The following PHACTR2 variants were observed in gnomAD, a reference collection of about 807,000 sequenced individuals.
PHACTR2 encodes the protein phosphatase and actin regulator 2.
In PHACTR2, 30 loss-of-function variants were observed where a neutral mutation model predicts 76.0. The observed-to-expected ratio is 0.39, with a 90% CI of 0.30 to 0.54. PHACTR2 has a LOEUF of 0.54. Among genes scored for constraint, PHACTR2 ranks in the 20% least tolerant of loss-of-function variants. PHACTR2 has a pLI of 0.61. For missense variants in PHACTR2, 696 were observed against 781.1 expected, an observed-to-expected ratio of 0.89 and a Z score of 1.30; for synonymous variants, 292 against 292.5, an observed-to-expected ratio of 1.00 and a Z score of 0.02.
In PHACTR2 at chr6:143,732,220, A is replaced by G. The variant is rs9496761; in HGVS notation, c.215-16765A>G. 8.1e-3 allele frequency among the ~76,000 whole-genome samples: 1,235 copies of G among 152,332 alleles called. 7 individuals are homozygous for G. Among genetic ancestry groups the G allele is most frequent in the African/African-American group, 0.027 (1,115 of 41,574 alleles). ...TTTAGTAATATTCATGAGCTGTGAA[A>G]CCATCACCACAATCAATTTTAAACA... On this transcript the variant is annotated intron_variant, in intron 2 of 12. Transcript: ENST00000440869.
At position 143,561,858 on chromosome 6, in the gene PHACTR2, G is replaced by A. The variant is rs538882849; in HGVS notation, c.217+24651G>A. On this transcript the variant is annotated intron_variant, in intron 1 of 11. Coordinates refer to the PHACTR2 transcript ENST00000367584. This position sits in a 1 kb window ranked among gnomAD's most constrained non-coding sequence, Gnocchi z 4.1. ...TCACCGCCAGCTCATGAAGTCTGAG[G>A]AAATTCAGGTTGCCTTTGATATTAA... 5.3e-5 allele frequency: 8 copies of A among 152,288 alleles called. No homozygotes were observed. In the East Asian group the frequency reaches 1.5e-3, roughly 29 times the overall value. 9.4% of individuals were successfully genotyped at this position (152,288 alleles called of 1,614,324 possible). A position where few individuals can be genotyped will look rare whatever the true frequency, so the allele number is the denominator to read the frequency against.
intron 1 of PHACTR2, among the ~76,000 whole-genome samples, chr6:143,657,189 A>T (rs1776862939): frequency 6.6e-6 from 1 of 152,110 alleles, no homozygotes; most frequent in African/African-American, 2.4e-5. Context: ...ACCATGGCAC[A>T]TGTAAACCTA....
Position 143,754,898 on chromosome 6 carries a change from C to T in PHACTR2, c.454+986C>T, listed in dbSNP as rs1322066622. Among the ~76,000 whole-genome samples the T allele has an allele frequency of 6.6e-6, 1 of 152,190 alleles. No individual in the cohort carries two copies. Among genetic ancestry groups the T allele is most frequent in the African/African-American group, 2.4e-5 (1 of 41,440 alleles). The stretch of plus-strand genomic sequence containing the variant: ...TTAGAAACTGATGAAAGTGAATTCT[C>T]TTCCTCTGTTCTTGACCCAGATCCT... On this transcript the variant is annotated intron_variant, in intron 4 of 12. Coordinates refer to ENST00000440869, the MANE Select transcript of PHACTR2 (RefSeq NM_001100164.2). This position sits in a 1 kb window ranked among gnomAD's most constrained non-coding sequence, Gnocchi z 6.2.
rs1776693267 is a variant in PHACTR2, at chr6:143,648,248, C to T, written c.13+39926C>T. Reference sequence around the variant, plus strand: ...TCTACTGCAAATTGTCTGAGAAGGGCAGGGCCTAGGAAACATGGTGGAAGT... The same window carrying T: ...TCTACTGCAAATTGTCTGAGAAGGGTAGGGCCTAGGAAACATGGTGGAAGT... On this transcript the variant is annotated intron_variant, in intron 1 of 11. Transcript: ENST00000305766. The surrounding 1 kb of genome is among the most constrained non-coding windows in gnomAD (Gnocchi z 6.7). Among the ~76,000 whole-genome samples, 1 of 152,156 alleles carries T rather than the reference C, an allele frequency of 6.6e-6. No individual in the cohort carries two copies. The highest frequency in any genetic ancestry group is 2.1e-4 in the South Asian group (1 of 4,812).
intron 12 of PHACTR2, chr6:143,810,604 G>A (rs1306160467): frequency 1.6e-5 from 7 of 449,226 alleles, no homozygotes; most frequent in Non-Finnish European, 2.2e-5. Context: ...GCTGAGGCAG[G>A]AGGATTGCTT....
rs1006696755 is a variant in PHACTR2, at chr6:143,774,814, C to G, written c.1589+599C>G. 2.6e-5 allele frequency among the ~76,000 whole-genome samples: 4 copies of G among 152,250 alleles called. No individual in the cohort carries two copies. Among genetic ancestry groups the G allele is most frequent in the Non-Finnish European group, 5.9e-5 (4 of 68,042 alleles). On this transcript the variant is annotated intron_variant, in intron 8 of 12. Transcript: ENST00000440869. This position sits in a 1 kb window ranked among gnomAD's most constrained non-coding sequence, Gnocchi z 5.4. ...TTCCAACTTCAAGTAAATGGATCAT[C>G]TGACATCTCTTCCTGCCTCCAACCA...
intron 1 of PHACTR2, among the ~76,000 whole-genome samples, chr6:143,632,843 G>A (rs543823926): frequency 2.0e-5 from 3 of 152,230 alleles, no homozygotes; most frequent in Admixed American, 1.3e-4. Context: ...ACATCATATA[G>A]TTGGAATCAT....
At chr6:143,703,632 C>A (rs1241628457) in intron 1 of PHACTR2, among the ~76,000 whole-genome samples, 1 of 152,004 alleles carries the variant, frequency 6.6e-6, no homozygotes, top group African/African-American at 2.4e-5. Flanking sequence ...ACATTCTGTT[C>A]TTTTACTCTT....
chr6:143,703,915 A>G (rs191368128), intron 1 of PHACTR2, among the ~76,000 whole-genome samples: 41 of 152,282 alleles, frequency 2.7e-4, no homozygotes, highest in African/African-American at 9.1e-4. Flanking sequence ...ACCATTTCAC[A>G]TGTTCAAGGA....
chr6:143,653,028 C>G lies in PHACTR2; in HGVS notation c.13+44706C>G, dbSNP rs769931688. 2.6e-5 allele frequency among the ~76,000 whole-genome samples: 4 copies of G among 152,308 alleles called. No homozygotes were observed. Among genetic ancestry groups the G allele is most frequent in the Admixed American group, 6.5e-5 (1 of 15,302 alleles). On this transcript the variant is annotated intron_variant, in intron 1 of 11. Transcript: ENST00000305766. The surrounding 1 kb of genome is among the most constrained non-coding windows in gnomAD (Gnocchi z 4.9). ...CCAGCAGCGCTCTCTTTCACCCTTGCAAGCTGCAACTGGCAAGAGAATTGT... is the reference window on the plus strand; with the variant it reads ...CCAGCAGCGCTCTCTTTCACCCTTGGAAGCTGCAACTGGCAAGAGAATTGT...
Position 143,635,535 on chromosome 6 carries a change from T to C in PHACTR2, c.13+27213T>C, listed in dbSNP as rs1776437250. Among the ~76,000 whole-genome samples, 2 of 152,226 alleles carry C rather than the reference T, an allele frequency of 1.3e-5. 1 individual carries two copies. Among genetic ancestry groups the C allele is most frequent in the South Asian group, 4.1e-4 (2 of 4,834 alleles). On this transcript the variant is annotated intron_variant, in intron 1 of 11. Coordinates refer to the PHACTR2 transcript ENST00000305766. ...TAACTATTTATACTCCCACAGTCAG[T>C]GTATGAGAGTGCCTCTGTTTCCCAC...
In PHACTR2 at chr6:143,621,475, C is replaced by T. The variant is rs566355709; in HGVS notation, c.13+13153C>T. On this transcript the variant is annotated intron_variant, in intron 1 of 11. Coordinates refer to the PHACTR2 transcript ENST00000305766. The surrounding 1 kb of genome is among the most constrained non-coding windows in gnomAD (Gnocchi z 4.1). Reference sequence around the variant, plus strand: ...AGGAAGCTCACCTGTCAAGCACCAACGCTTTATTTTAATTGGTATTTTGCA... The same window carrying T: ...AGGAAGCTCACCTGTCAAGCACCAATGCTTTATTTTAATTGGTATTTTGCA... 5.9e-5 allele frequency among the ~76,000 whole-genome samples: 9 copies of T among 152,304 alleles called. 1 individual carries two copies. Among genetic ancestry groups the T allele is most frequent in the African/African-American group, 2.4e-5 (1 of 41,554 alleles).
rs1265246202 is a variant in PHACTR2, at chr6:143,550,025, G to GGGAGTTGGAGTGATA, written c.217+12819_217+12833dup. ...CCAAGGCTACCATTTTTTGCTAGGT[G>GGGAGTTGGAGTGATA]GGAGTTGGAGTGATATCCCAATGCA... On this transcript the variant is annotated intron_variant, in intron 1 of 11. Coordinates refer to the PHACTR2 transcript ENST00000367584. The surrounding 1 kb of genome is among the most constrained non-coding windows in gnomAD (Gnocchi z 4.8). Among the ~76,000 whole-genome samples, 1 of 151,996 alleles carries GGGAGTTGGAGTGATA rather than the reference G, an allele frequency of 6.6e-6. No individual in the cohort carries two copies. Among genetic ancestry groups the GGGAGTTGGAGTGATA allele is most frequent in the African/African-American group, 2.4e-5 (1 of 41,418 alleles).
intron 1 of PHACTR2, among the ~76,000 whole-genome samples, chr6:143,668,772 C>G (rs574159040): frequency 9.2e-5 from 14 of 152,152 alleles, no homozygotes; most frequent in African/African-American, 3.4e-4. Context: ...CTCTTCTCTT[C>G]TTTATTAGTC....
Position 143,588,012 on chromosome 6 carries a change from CTAAAATAAAATAAAA to C in PHACTR2, c.217+50833_217+50847del, listed in dbSNP as rs56155115. On this transcript the variant is annotated intron_variant, in intron 1 of 11. Coordinates refer to the PHACTR2 transcript ENST00000367584. ...TGGCAACAAGAGTGAAACTCTGTCTCTAAAATAAAATAAAATAAAATAAAATAAAATAAAATAAAA... is the reference window on the plus strand; with the variant it reads ...TGGCAACAAGAGTGAAACTCTGTCTCTAAAATAAAATAAAATAAAATAAAA... Among the ~76,000 whole-genome samples the C allele has an allele frequency of 5.2e-3, 717 of 137,748 alleles. 10 individuals carry two copies. The highest frequency in any genetic ancestry group is 0.016 in the African/African-American group (606 of 37,336). The allele number at this position is 137,748 out of a possible 152,430, so 90.4% of individuals were successfully genotyped here.
At position 143,730,091 on chromosome 6, in the gene PHACTR2, T is replaced by C. The variant is rs911326536; in HGVS notation, c.214+17908T>C. On this transcript the variant is annotated intron_variant, in intron 2 of 12. Coordinates refer to ENST00000440869, the MANE Select transcript of PHACTR2 (RefSeq NM_001100164.2). The surrounding 1 kb of genome is among the most constrained non-coding windows in gnomAD (Gnocchi z 4.8). ...TAGCTTTATAAGTCTGAAAATTAGG[T>C]AGTGTGATTTTCCAACCTTATTCTT... Among the ~76,000 whole-genome samples, 1 of 152,208 alleles carries C rather than the reference T, an allele frequency of 6.6e-6. No individual in the cohort carries two copies. Among genetic ancestry groups the C allele is most frequent in the African/African-American group, 2.4e-5 (1 of 41,454 alleles).
intron 10 of PHACTR2, among the ~76,000 whole-genome samples, chr6:143,785,939 G>A (rs1482634429): frequency 6.6e-6 from 1 of 152,210 alleles, no homozygotes. Flanking sequence ...GCCTGTGATG[G>A]GAGGAGCTGT....
At position 143,621,384 on chromosome 6, in the gene PHACTR2, A is replaced by C. The variant is rs1225414640; in HGVS notation, c.13+13062A>C. ...CAGGCCTCCTCGGTGCAGAAGGGCA[A>C]ATCCTTCCCATAGTTCCTGCCTCTC... On this transcript the variant is annotated intron_variant, in intron 1 of 11. Transcript: ENST00000305766. This position sits in a 1 kb window ranked among gnomAD's most constrained non-coding sequence, Gnocchi z 4.1. Among the ~76,000 whole-genome samples the C allele has an allele frequency of 6.6e-6, 1 of 152,222 alleles. No homozygotes were observed. Among genetic ancestry groups the C allele is most frequent in the East Asian group, 1.9e-4 (1 of 5,200 alleles).
At chr6:143,802,987 A>G (rs1371429273) in intron 11 of PHACTR2, among the ~76,000 whole-genome samples, 4 of 152,168 alleles carry the variant, frequency 2.6e-5, no homozygotes, top group Non-Finnish European at 1.5e-5. Context: ...TATCATTCAC[A>G]TAACTGACTC....
Sources: allele counts gnomAD v4.1 joint callset (sites outside exome capture counted in the v4.1 genomes callset), GRCh38; gene constraint gnomAD v4.1.1; non-coding constraint Gnocchi (gnomAD v3.1); transcripts MANE v1.5; gene names NCBI Gene and HGNC (gene_info 2026-07-23, HGNC 2026-07-21).